The following NBPF3 variants were observed in gnomAD, a reference collection of about 807,000 sequenced individuals.
NBPF3 encodes NBPF member 3, also known as NBPF family member NBPF3.
NBPF3 carries 57 observed loss-of-function variants against 78.1 expected under a neutral mutation model. That is an observed-to-expected ratio of 0.73 (90% CI 0.59 to 0.91). The LOEUF (loss-of-function observed/expected upper bound fraction) is 0.91, where lower values mean the gene tolerates loss of function less well. NBPF3 is among the 40% of genes least tolerant of loss of function. NBPF3 has a pLI of 0.00. For synonymous variants in NBPF3, 182 were observed against 271.7 expected (o/e 0.67, Z 3.25); for missense variants, 510 against 715.3 (o/e 0.71, Z 3.27).
chr1:21,460,969 GA>G lies in NBPF3; in HGVS notation c.134-7717del, dbSNP rs1162014447. ...TGTTTCAATGAACATAAAATTTTGA[GA>G]AGATATTTTCCATAAGAAGATATCT... On this transcript the variant is annotated intron_variant, in intron 2 of 14. Transcript: ENST00000318249. This position sits in a 1 kb window ranked among gnomAD's most constrained non-coding sequence, Gnocchi z 4.2. 6.6e-6 allele frequency among the ~76,000 whole-genome samples: 1 copy of G among 152,104 alleles called. No homozygotes were observed. Among genetic ancestry groups the G allele is most frequent in the Non-Finnish European group, 1.5e-5 (1 of 68,016 alleles).
Position 21,471,727 on chromosome 1 carries a change from A to G in NBPF3, c.605A>G (p.Glu202Gly). Residue 202 changes from glutamate to glycine, a missense_variant, in exon 5 of 15, where the codon GAA becomes GGA. By Grantham distance (98) the Glu-to-Gly change is moderately conservative. Transcript: ENST00000318249. The part of the protein sequence containing the change: ...PDNSQGRDLR[E>G]QLAEGCRLAQ... ...AACTCCCAGGGACGGGACCTCCGAG[A>G]ACAGCTGGCTGAGGGATGTAGGCTG... 6.2e-7 allele frequency: 1 copy of G among 1,613,412 alleles called. No individual in the cohort carries two copies. Among genetic ancestry groups the G allele is most frequent in the Non-Finnish European group, 8.5e-7 (1 of 1,179,862 alleles).
intron 2 of NBPF3, among the ~76,000 whole-genome samples, chr1:21,464,928 G>T (rs1407611898): frequency 1.3e-5 from 2 of 149,434 alleles, no homozygotes; most frequent in Non-Finnish European, 2.9e-5. Context: ...GATCGCTTGA[G>T]CCCAGAAGTT....
At position 21,454,713 on chromosome 1, in the gene NBPF3, T is replaced by C. The variant is rs541922882; in HGVS notation, c.133+9494T>C. Among the ~76,000 whole-genome samples, 3 of 152,324 alleles carry C rather than the reference T, an allele frequency of 2.0e-5. No individual in the cohort carries two copies. In the South Asian group the frequency reaches 6.2e-4, roughly 32 times the overall value. ...CATACAGGCGTCAACCATATCAGCA[T>C]ACAGGCATCCCTCTCCCACCGTTTC... is the stretch of plus-strand genomic sequence containing the variant. On this transcript the variant is annotated intron_variant, in intron 2 of 14. Transcript: ENST00000318249.
chr1:21,447,603 A>G (rs1015373393), intron 2 of NBPF3, among the ~76,000 whole-genome samples: 4 of 152,166 alleles, frequency 2.6e-5, no homozygotes, highest in Non-Finnish European at 4.4e-5. Flanking sequence ...AAAATCAGTG[A>G]ATCATATTTC....
rs747645859 is a variant in NBPF3, at chr1:21,473,564, G to GC, written c.919_920insC (p.Asp307AlafsTer10). On this transcript the variant is annotated frameshift_variant, in exon 7 of 15. Coordinates refer to ENST00000318249, the MANE Select transcript of NBPF3 (RefSeq NM_032264.6). LOFTEE classifies it high-confidence loss of function. Reference sequence around the variant, plus strand: ...CTCATCCTCTCATGATGAATGGTTGGATGCTGTATGCATTATCCCAGGTAG... The same window carrying GC: ...CTCATCCTCTCATGATGAATGGTTGGCATGCTGTATGCATTATCCCAGGTAG... 13 of 1,614,052 alleles carry GC rather than the reference G, an allele frequency of 8.1e-6. No individual in the cohort carries two copies. The African/African-American group carries it at 1.2e-4, about 15-fold the overall frequency.
chr1:21,459,445 A>G (rs1426719826), intron 2 of NBPF3, among the ~76,000 whole-genome samples: 1 of 152,224 alleles, frequency 6.6e-6, no homozygotes, highest in Non-Finnish European at 1.5e-5. Context: ...TTTTTTATTC[A>G]TAAAAAATCC....
upstream of NBPF3, chr1:21,437,608 C>A: frequency 1.9e-6 from 1 of 516,518 alleles, no homozygotes; most frequent in Non-Finnish European, 3.2e-6. Flanking sequence ...GAGCCTTATG[C>A]GTGTGACTCT....
upstream of NBPF3, among the ~76,000 whole-genome samples, chr1:21,438,953 A>G (rs939553014): frequency 1.3e-5 from 2 of 152,244 alleles, no homozygotes; most frequent in Non-Finnish European, 2.9e-5. Context: ...AGTTGGCAGC[A>G]CTGGGGGAGG....
intron 2 of NBPF3, among the ~76,000 whole-genome samples, chr1:21,452,226 A>G (rs1176865378): frequency 6.6e-6 from 1 of 152,146 alleles, no homozygotes; most frequent in East Asian, 1.9e-4. Flanking sequence ...CCCTCCCTTT[A>G]TATACATATA....
chr1:21,455,096 G>T (rs1236356289), intron 2 of NBPF3, among the ~76,000 whole-genome samples: 2 of 152,180 alleles, frequency 1.3e-5, no homozygotes, highest in African/African-American at 4.8e-5. Flanking sequence ...CCCACTGCAT[G>T]CTTCCTCCAG....
chr1:21,451,899 T>C (rs1391773108), intron 2 of NBPF3: 20 of 969,744 alleles, frequency 2.1e-5, no homozygotes, highest in Non-Finnish European at 2.5e-5. Context: ...AATGTGAGCC[T>C]ATGGATCAAG....
chr1:21,441,627 A>G (rs1347219316), intron 1 of NBPF3, among the ~76,000 whole-genome samples: 1 of 150,870 alleles, frequency 6.6e-6, no homozygotes, highest in Non-Finnish European at 1.5e-5. Context: ...GGATCACCAG[A>G]GCCCGGAAGG....
In NBPF3 at chr1:21,478,138, C is replaced by T. The variant is rs200884818; in HGVS notation, c.993-6C>T. ...TCTGTCATCCCTGTCCTGCCTGGCT[C>T]ATCAGGAATCTGCAGGAGTCTGAAG... On this transcript the variant is annotated splice_region_variant and splice_polypyrimidine_tract_variant and intron_variant, in intron 8 of 14. Transcript: ENST00000318249. 214 of 1,613,754 alleles carry T rather than the reference C, an allele frequency of 1.3e-4. No homozygotes were observed. The highest frequency in any genetic ancestry group is 1.6e-4 in the Non-Finnish European group (193 of 1,180,034).
intron 3 of NBPF3, among the ~76,000 whole-genome samples, chr1:21,469,718 C>T (rs1377079469): frequency 1.3e-5 from 2 of 152,088 alleles, no homozygotes; most frequent in Non-Finnish European, 2.9e-5. Flanking sequence ...GGGCAAGACT[C>T]GTCAAAAGAA....
chr1:21,447,910 A>T (rs1253042431), intron 2 of NBPF3, among the ~76,000 whole-genome samples: 1 of 152,030 alleles, frequency 6.6e-6, no homozygotes, highest in Non-Finnish European at 1.5e-5. Context: ...AATGATTTTG[A>T]GTGTCTTTTT....
At chr1:21,451,195 A>C (rs141644796) in intron 2 of NBPF3, among the ~76,000 whole-genome samples, 5 of 152,326 alleles carry the variant, frequency 3.3e-5, no homozygotes, top group Middle Eastern at 3.4e-3. Context: ...CCATGGAATG[A>C]ATGTATCACA....
intron 2 of NBPF3, among the ~76,000 whole-genome samples, chr1:21,445,783 C>G (rs1640935662): frequency 6.6e-6 from 1 of 152,170 alleles, no homozygotes; most frequent in Non-Finnish European, 1.5e-5. Context: ...ACCTCCCATT[C>G]CAGAATCCTG....
intron 8 of NBPF3, among the ~76,000 whole-genome samples, chr1:21,477,068 C>T (rs1227330267): frequency 6.6e-6 from 1 of 152,116 alleles, no homozygotes; most frequent in Non-Finnish European, 1.5e-5. Flanking sequence ...TTGATCGAAT[C>T]GGCTACTGAA....
At chr1:21,474,980 TTC>T in intron 8 of NBPF3, 29 bp downstream of exon 8, 1 of 1,584,572 alleles carries the variant, frequency 6.3e-7, no homozygotes, top group Non-Finnish European at 8.6e-7. Context: ...GGGCTGTTAA[TTC>T]AATAGTGGCA....
Sources: gnomAD v4.1 joint callset for allele counts (sites outside exome capture counted in the v4.1 genomes callset) on GRCh38, gnomAD v4.1.1 for gene constraint, Gnocchi (gnomAD v3.1) non-coding constraint, MANE v1.5 for transcripts, NCBI Gene and HGNC (gene_info 2026-07-23, HGNC 2026-07-21) for gene names.